The following LTBP1 variants were observed in gnomAD, a reference collection of about 807,000 sequenced individuals.
LTBP1 encodes the protein latent transforming growth factor beta binding protein 1.
In LTBP1, 129 loss-of-function variants were observed where a neutral mutation model predicts 207.6. The ratio of observed to expected loss-of-function variants is 0.62; its 90% CI spans 0.54 to 0.72. LTBP1 has a LOEUF of 0.72. Among genes scored for constraint, LTBP1 ranks in the 30% least tolerant of loss-of-function variants. The pLI, the probability that LTBP1 is intolerant of heterozygous loss-of-function variation, is 0.00. For missense variants in LTBP1, 2,281 were observed against 2,217.2 expected (o/e 1.03, Z -0.58); for synonymous variants, 963 against 833.7 (o/e 1.16, Z -2.67).
rs951955669 is a variant in LTBP1, at chr2:33,229,868, G to A, written c.1876+7717G>A. ...TATACTTTTTGGCAATGATTCTAAA[G>A]TGAAGTAACACACAAAATTCTATTT... On this transcript the variant is annotated intron_variant, in intron 9 of 33. Transcript: ENST00000404816. Among the ~76,000 whole-genome samples, 23 of 152,194 alleles carry A rather than the reference G, an allele frequency of 1.5e-4. 1 individual carries two copies. The highest frequency in any genetic ancestry group is 5.9e-5 in the Non-Finnish European group (4 of 68,036).
At chr2:33,012,555 G>A (rs201165918) in intron 2 of LTBP1, among the ~76,000 whole-genome samples, 4 of 152,150 alleles carry the variant, frequency 2.6e-5, no homozygotes, top group East Asian at 1.9e-4. Context: ...ATGACACGTA[G>A]CTGTATGGTG....
chr2:33,079,599 G>A (rs149801396), intron 3 of LTBP1, among the ~76,000 whole-genome samples: 11 of 152,178 alleles, frequency 7.2e-5, no homozygotes, highest in Non-Finnish European at 1.5e-4. Flanking sequence ...GTAATAGAAG[G>A]ACCCATTTTT....
chr2:33,046,685 T>A (rs56347030), intron 3 of LTBP1, among the ~76,000 whole-genome samples: 2,192 of 152,300 alleles, frequency 0.014, 53 homozygotes, highest in African/African-American at 0.049. Flanking sequence ...TCAGAAGGAA[T>A]GGTACCAGCT....
At chr2:33,307,370 G>C (rs11694122) in intron 22 of LTBP1, among the ~76,000 whole-genome samples, 1 of 152,170 alleles carries the variant, frequency 6.6e-6, no homozygotes, top group Non-Finnish European at 1.5e-5. Context: ...CAATGGCCCA[G>C]ATGGAAACAA....
chr2:33,274,964 G>C lies in LTBP1; in HGVS notation c.2744-1G>C, dbSNP rs2148405790. The C allele has an allele frequency of 6.2e-7, 1 of 1,613,656 alleles. No individual in the cohort carries two copies. The highest frequency in any genetic ancestry group is 1.1e-5 in the South Asian group (1 of 91,054). On this transcript the variant is annotated splice_acceptor_variant, in intron 16 of 33. Coordinates refer to ENST00000404816, the MANE Select transcript of LTBP1 (RefSeq NM_206943.4). LOFTEE classifies it high-confidence loss of function. ...ATTTTTATATGTATTTTTGTTAACA[G>C]ATATTGATGAGTGTACTCAGGTCCA...
At chr2:33,299,121 A>G (rs1450418895) in intron 20 of LTBP1, among the ~76,000 whole-genome samples, 1 of 152,070 alleles carries the variant, frequency 6.6e-6, no homozygotes, top group Non-Finnish European at 1.5e-5. Flanking sequence ...TAAAAATACA[A>G]AAATGAGCTG....
chr2:33,209,593 C>T (rs768393287), intron 7 of LTBP1, among the ~76,000 whole-genome samples: 9 of 152,216 alleles, frequency 5.9e-5, no homozygotes, highest in Non-Finnish European at 1.0e-4. Flanking sequence ...TATTTCTTTA[C>T]TAGCCAGAGC....
chr2:33,292,348 G>A (rs1168957894), intron 19 of LTBP1, among the ~76,000 whole-genome samples: 1 of 152,124 alleles, frequency 6.6e-6, no homozygotes, highest in African/African-American at 2.4e-5. Context: ...CTTTGCCTGT[G>A]ACAGAAACTT....
chr2:33,185,626 G>T (rs1248166443), intron 5 of LTBP1, among the ~76,000 whole-genome samples: 1 of 152,158 alleles, frequency 6.6e-6, no homozygotes, highest in African/African-American at 2.4e-5. Flanking sequence ...GATGGATCAG[G>T]CAGGAGGAAG....
At chr2:33,328,241 A>C (rs1165208251) in intron 24 of LTBP1, among the ~76,000 whole-genome samples, 6 of 152,054 alleles carry the variant, frequency 3.9e-5, no homozygotes, top group Non-Finnish European at 5.9e-5. Context: ...TATAGTGAGC[A>C]TACCTGGTAA....
chr2:33,111,678 C>T (rs1558651023), intron 4 of LTBP1, among the ~76,000 whole-genome samples: 1 of 152,230 alleles, frequency 6.6e-6, no homozygotes, highest in African/African-American at 2.4e-5. Flanking sequence ...ATTGACTCTT[C>T]CCTCAGAATT....
intron 3 of LTBP1, among the ~76,000 whole-genome samples, chr2:33,106,865 C>T (rs555536979): frequency 3.5e-4 from 54 of 152,342 alleles, no homozygotes; most frequent in African/African-American, 1.3e-3. Context: ...TTGACTTCTT[C>T]TCCCTTGCTT....
At chr2:33,136,272 A>C (rs2082135698) in intron 5 of LTBP1, among the ~76,000 whole-genome samples, 1 of 152,238 alleles carries the variant, frequency 6.6e-6, no homozygotes, top group Admixed American at 6.5e-5. Context: ...GCAGGGAGCC[A>C]AGTCTAATGG....
intron 20 of LTBP1, among the ~76,000 whole-genome samples, chr2:33,293,680 A>G (rs947836872): frequency 1.3e-5 from 2 of 152,238 alleles, no homozygotes; most frequent in African/African-American, 4.8e-5. Context: ...ATATACACTC[A>G]TTTTAGAAAA....
chr2:33,183,899 T>C (rs2086912579), intron 5 of LTBP1, among the ~76,000 whole-genome samples: 3 of 151,968 alleles, frequency 2.0e-5, no homozygotes, highest in South Asian at 4.2e-4. Flanking sequence ...GCATGGGGAG[T>C]TTTGACTTGA....
intron 30 of LTBP1, among the ~76,000 whole-genome samples, 190 bp from the exon 31 acceptor site, chr2:33,365,143 T>G (rs1227098751): frequency 1.3e-5 from 2 of 152,300 alleles, no homozygotes; most frequent in Non-Finnish European, 2.9e-5. Flanking sequence ...GAATTTCAAC[T>G]GATGGAATGA....
At chr2:33,090,927 G>A (rs980983327) in intron 3 of LTBP1, among the ~76,000 whole-genome samples, 2 of 152,218 alleles carry the variant, frequency 1.3e-5, no homozygotes, top group African/African-American at 4.8e-5. Context: ...GGGGCAGAAT[G>A]TGGAAATACA....
intron 5 of LTBP1, among the ~76,000 whole-genome samples, chr2:33,138,106 C>T (rs556559820): frequency 6.6e-6 from 1 of 152,236 alleles, no homozygotes; most frequent in Non-Finnish European, 1.5e-5. Context: ...CTTTTACAGG[C>T]TTGTGGGATA....
intron 31 of LTBP1, among the ~76,000 whole-genome samples, chr2:33,369,518 T>C (rs999474389): frequency 6.6e-6 from 1 of 152,022 alleles, no homozygotes; most frequent in Non-Finnish European, 1.5e-5. Context: ...TTTCGAAATA[T>C]ATCTGTTGGA....
Sources: gnomAD v4.1 joint callset for allele counts (sites outside exome capture counted in the v4.1 genomes callset) on GRCh38, gnomAD v4.1.1 for gene constraint, MANE v1.5 for transcripts, NCBI Gene and HGNC (gene_info 2026-07-23, HGNC 2026-07-21) for gene names.